AFAP1L2: variants seen among roughly 807,000 people sequenced by gnomAD.
The protein encoded by AFAP1L2 is actin filament associated protein 1 like 2.
Under a neutral mutation model 99.3 loss-of-function variants are expected in AFAP1L2, and 46 were observed. That is an observed-to-expected ratio of 0.46 (90% CI 0.37 to 0.59). AFAP1L2 has a LOEUF of 0.59. Ranked by LOEUF, AFAP1L2 falls within the 20% of genes least tolerant of loss-of-function variation. AFAP1L2 has a pLI of 0.00. For synonymous variants in AFAP1L2, 397 were observed against 419.1 expected (o/e 0.95, Z 0.64); for missense variants, 959 against 1,034.9 (o/e 0.93, Z 1.01).
intron 1 of AFAP1L2, among the ~76,000 whole-genome samples, chr10:114,378,386 T>C (rs2055090936): frequency 6.6e-6 from 1 of 152,172 alleles, no homozygotes; most frequent in Non-Finnish European, 1.5e-5. Flanking sequence ...CCAGAAAAGG[T>C]GGAAGACACA....
intron 7 of AFAP1L2, among the ~76,000 whole-genome samples, chr10:114,311,222 A>G (rs907036860): frequency 6.6e-6 from 1 of 152,124 alleles, no homozygotes. Context: ...AGATGCAGAA[A>G]GTCAGCAGTG....
At chr10:114,288,540 C>G in the AFAP1L2 span, among the ~76,000 whole-genome samples, 1 of 152,204 alleles carries the variant, frequency 6.6e-6, no homozygotes, top group African/African-American at 2.4e-5. Context: ...AGGTGAGTGG[C>G]CCGGGCCAGC....
intron 3 of AFAP1L2, 145 bp from the exon 4 acceptor site, chr10:114,332,042 G>T (rs146687831): frequency 4.1e-6 from 2 of 483,406 alleles, no homozygotes; most frequent in Admixed American, 4.4e-5. Flanking sequence ...CCCTGGAACC[G>T]AAGTTGTTTT....
At chr10:114,375,830 G>T (rs1016272252) in intron 1 of AFAP1L2, among the ~76,000 whole-genome samples, 2 of 151,974 alleles carry the variant, frequency 1.3e-5, no homozygotes, top group African/African-American at 2.4e-5. Flanking sequence ...TGAAAAATTA[G>T]CCAGGCATAG....
chr10:114,335,503 C>T (rs563958539), intron 2 of AFAP1L2, among the ~76,000 whole-genome samples: 1 of 150,308 alleles, frequency 6.7e-6, no homozygotes, highest in South Asian at 2.1e-4. Flanking sequence ...GTCCCAGCTA[C>T]TCAGGAGGCT....
chr10:114,331,871 TG>T lies in AFAP1L2; in HGVS notation c.246del (p.Asn83MetfsTer23). On this transcript the variant is annotated frameshift_variant, in exon 4 of 19. Coordinates refer to ENST00000304129, the MANE Select transcript of AFAP1L2 (RefSeq NM_001001936.3). LOFTEE classifies it high-confidence loss of function. ...GAGGAGTGCTGGCTGGGCTCCCCATTGGGTAGCAGGCCCTGCTCCTCAGGCG... is the reference window on the plus strand; with the variant it reads ...GAGGAGTGCTGGCTGGGCTCCCCATTGGTAGCAGGCCCTGCTCCTCAGGCG... The part of the protein sequence containing the change: ...GKAPEEQGLL[P>X]NGEPSQHSSA... The T allele has an allele frequency of 7.4e-7, 1 of 1,358,540 alleles. No individual in the cohort carries two copies. Among genetic ancestry groups the T allele is most frequent in the South Asian group, 2.0e-5 (1 of 50,764 alleles). The allele number at this position is 1,358,540 out of a possible 1,614,324, so 84.2% of individuals were successfully genotyped here.
rs539465128 is a variant in AFAP1L2 at position 114,392,181 on chromosome 10, T to C, written c.16+12259A>G. Reference sequence around the variant, plus strand: ...CAGGAGGATTGCTTGAAGCCAGGAGTTCAAGACCAGCCTGGTCAACATAGC... The same window carrying C: ...CAGGAGGATTGCTTGAAGCCAGGAGCTCAAGACCAGCCTGGTCAACATAGC... On this transcript the variant is annotated intron_variant, in intron 1 of 18. Coordinates refer to ENST00000304129, the MANE Select transcript of AFAP1L2 (RefSeq NM_001001936.3). Among the ~76,000 whole-genome samples the C allele has an allele frequency of 2.6e-5, 4 of 151,700 alleles. No individual in the cohort carries two copies. The East Asian group carries it at 7.8e-4, about 29-fold the overall frequency.
At chr10:114,362,575 C>A (rs1291583918) in intron 1 of AFAP1L2, among the ~76,000 whole-genome samples, 6 of 152,144 alleles carry the variant, frequency 3.9e-5, no homozygotes, top group African/African-American at 1.4e-4. Context: ...AGAGGGAGCG[C>A]GGACCTGCTG....
At chr10:114,306,055 G>A (rs1342927882) in intron 10 of AFAP1L2, among the ~76,000 whole-genome samples, 3 of 90,932 alleles carry the variant, frequency 3.3e-5, no homozygotes, top group African/African-American at 5.1e-5. Context: ...GCAGAAGGGG[G>A]CGCAGATGCA....
chr10:114,366,216 C>G (rs1313418007), intron 1 of AFAP1L2, among the ~76,000 whole-genome samples: 1 of 152,204 alleles, frequency 6.6e-6, no homozygotes, highest in Non-Finnish European at 1.5e-5. Flanking sequence ...AACCAAAAAG[C>G]CAAGACTGTC....
intron 11 of AFAP1L2, among the ~76,000 whole-genome samples, chr10:114,303,310 G>A (rs898106381): frequency 6.6e-6 from 1 of 151,590 alleles, no homozygotes; most frequent in African/African-American, 2.4e-5. Flanking sequence ...CCTTTTCCCA[G>A]TTTTTTTTTA....
chr10:114,316,385 G>C (rs905645784), intron 5 of AFAP1L2, among the ~76,000 whole-genome samples: 1 of 152,142 alleles, frequency 6.6e-6, no homozygotes. Flanking sequence ...CTGGGGAAAG[G>C]GGCCACCTTC....
At chr10:114,339,354 G>A (rs2048439620) in intron 2 of AFAP1L2, among the ~76,000 whole-genome samples, 1 of 152,248 alleles carries the variant, frequency 6.6e-6, no homozygotes, top group Non-Finnish European at 1.5e-5. Context: ...GGCTGAGGCA[G>A]GAGAATGGCG....
chr10:114,404,868 C>G (rs2058574296), upstream of AFAP1L2: 1 of 180,848 alleles, frequency 5.5e-6, no homozygotes. Flanking sequence ...AAGATTGTTC[C>G]CACACCCCTG....
the AFAP1L2 span, chr10:114,282,647 A>G: frequency 7.6e-7 from 1 of 1,311,140 alleles, no homozygotes; most frequent in Non-Finnish European, 1.1e-6. Flanking sequence ...GGCTTTTACA[A>G]TCCTGGGACA....
At chr10:114,382,856 A>T in intron 1 of AFAP1L2, among the ~76,000 whole-genome samples, 1 of 152,078 alleles carries the variant, frequency 6.6e-6, no homozygotes, top group Non-Finnish European at 1.5e-5. Context: ...CAGCCTCCCA[A>T]AATGCTAGGA....
intron 15 of AFAP1L2, among the ~76,000 whole-genome samples, 178 bp from the exon 16 acceptor site, chr10:114,299,593 A>G (rs925517148): frequency 3.3e-5 from 5 of 152,190 alleles, no homozygotes; most frequent in African/African-American, 1.2e-4. Context: ...TCTGAAAACG[A>G]TGGTGTGATG....
chr10:114,296,241 G>T, intron 18 of AFAP1L2, 173 bp from the exon 19 acceptor site: 2 of 839,458 alleles, frequency 2.4e-6, no homozygotes, highest in Non-Finnish European at 1.9e-6. Flanking sequence ...CCTATTCAGA[G>T]ATTTTGAGAC....
intron 1 of AFAP1L2, among the ~76,000 whole-genome samples, chr10:114,397,917 C>A (rs761224922): frequency 3.3e-5 from 5 of 152,158 alleles, no homozygotes; most frequent in Non-Finnish European, 7.4e-5. Flanking sequence ...AACTCAGGGG[C>A]CTGCTTAGAA....
Sources: allele counts gnomAD v4.1 joint callset (sites outside exome capture counted in the v4.1 genomes callset), GRCh38; gene constraint gnomAD v4.1.1; transcripts MANE v1.5; gene names NCBI Gene and HGNC (gene_info 2026-07-23, HGNC 2026-07-21).